The following MFSD11 variants were observed in gnomAD, a reference collection of about 807,000 sequenced individuals.
MFSD11 encodes the protein UNC93-like protein MFSD11.
Under a neutral mutation model 53.5 loss-of-function variants are expected in MFSD11, and 36 were observed. The ratio of observed to expected loss-of-function variants is 0.67; its 90% CI spans 0.52 to 0.89. The LOEUF (loss-of-function observed/expected upper bound fraction) is 0.89, where lower values mean the gene tolerates loss of function less well. MFSD11 is among the 40% of genes least tolerant of loss of function. MFSD11 has a pLI of 0.00. For synonymous variants in MFSD11, 186 were observed against 184.9 expected, an observed-to-expected ratio of 1.01 and a Z score of -0.05; for missense variants, 530 against 543.9, an observed-to-expected ratio of 0.97 and a Z score of 0.25.
At chr17:76,767,278 C>T (rs567721626) in intron 8 of MFSD11, 108 bp from the exon 9 acceptor site, 13 of 650,154 alleles carry the variant, frequency 2.0e-5, no homozygotes, top group South Asian at 3.7e-5. Context: ...CCAAAGTGTT[C>T]GTTTACTGGC....
Position 76,742,110 on chromosome 17 carries a change from T to A in MFSD11, c.340+62T>A, listed in dbSNP as rs963447773. 5 of 1,613,810 alleles carry A rather than the reference T, an allele frequency of 3.1e-6. No individual in the cohort carries two copies. The Admixed American group carries it at 5.0e-5, about 16-fold the overall frequency. ...TCTGGGGCCTATCTAAGGGTATTAT[T>A]TATGTGTTTAGTATGTGACTCTAAG... On this transcript the variant is annotated intron_variant, in intron 4 of 12. Coordinates refer to ENST00000685175, the MANE Select transcript of MFSD11 (RefSeq NM_001242532.5).
chr17:76,777,395 A>T (rs987800575), intron 12 of MFSD11, among the ~76,000 whole-genome samples: 1 of 152,016 alleles, frequency 6.6e-6, no homozygotes, highest in Non-Finnish European at 1.5e-5. Context: ...TACCATGTTC[A>T]GCTAAGTTTT....
downstream of MFSD11, among the ~76,000 whole-genome samples, chr17:76,781,929 T>C (rs192953668): frequency 6.6e-6 from 1 of 151,984 alleles, no homozygotes; most frequent in African/African-American, 2.4e-5. Context: ...TCAAGCAATA[T>C]TCCGGCCTCA....
chr17:76,744,397 G>A lies in MFSD11; in HGVS notation c.572G>A (p.Arg191Gln), dbSNP rs376134707. 1.5e-4 allele frequency: 241 copies of A among 1,613,986 alleles called. 4 individuals are homozygous for A. The South Asian group carries it at 2.3e-3, about 16-fold the overall frequency. ...LVGTVLFFLIRKPDSENVLGE... is the reference protein window; with the variant it reads ...LVGTVLFFLIQKPDSENVLGE... ...GGGACAGTTCTATTCTTTCTCATTC[G>A]GAAACCAGATTCTGAAAATGTCCTA... Residue 191 changes from arginine (R) to glutamine (Q), a missense_variant, in exon 7 of 13, where the codon CGG becomes CAG. By Grantham distance (43) the Arg-to-Gln change is conservative. Coordinates refer to ENST00000685175, the MANE Select transcript of MFSD11 (RefSeq NM_001242532.5).
intron 8 of MFSD11, among the ~76,000 whole-genome samples, chr17:76,754,886 C>G (rs1202632846): frequency 6.6e-6 from 1 of 151,992 alleles, no homozygotes; most frequent in Non-Finnish European, 1.5e-5. Flanking sequence ...ATCATTGTCT[C>G]AGTTTAACAG....
chr17:76,767,503 G>A (rs767504969), intron 9 of MFSD11, 52 bp downstream of exon 9: 3 of 1,158,902 alleles, frequency 2.6e-6, no homozygotes, highest in Non-Finnish European at 3.8e-6. Flanking sequence ...ACAATAAGGA[G>A]TTGAAAACGA....
rs2079887044 is a variant in MFSD11, at chr17:76,758,584, A to G, written c.682+4497A>G. ...GGCACAGAGCGAGACCAGGTCTCAAAAAAAAAAAAAAAAAAAAAGTGATTG... is the reference window on the plus strand; with the variant it reads ...GGCACAGAGCGAGACCAGGTCTCAAGAAAAAAAAAAAAAAAAAAGTGATTG... On this transcript the variant is annotated intron_variant, in intron 8 of 12. Coordinates refer to ENST00000685175, the MANE Select transcript of MFSD11 (RefSeq NM_001242532.5). 2.7e-5 allele frequency among the ~76,000 whole-genome samples: 4 copies of G among 150,674 alleles called. No individual in the cohort carries two copies. The South Asian group carries it at 8.4e-4, about 32-fold the overall frequency.
chr17:76,797,167 T>C, the MFSD11 span, among the ~76,000 whole-genome samples: 1 of 151,768 alleles, frequency 6.6e-6, no homozygotes, highest in Non-Finnish European at 1.5e-5. Flanking sequence ...AGACTCTTCC[T>C]CAATTAAAAA....
the MFSD11 span, among the ~76,000 whole-genome samples, chr17:76,792,793 C>A: frequency 1.3e-5 from 2 of 151,400 alleles, no homozygotes; most frequent in African/African-American, 4.9e-5. Context: ...GGGAACCTGC[C>A]CCCAATAGTC....
chr17:76,754,632 C>A (rs1057066423), intron 8 of MFSD11, among the ~76,000 whole-genome samples: 2 of 140,806 alleles, frequency 1.4e-5, no homozygotes, highest in Admixed American at 7.6e-5. Flanking sequence ...TGTAGTGAGC[C>A]GAGATTGCCC....
upstream of MFSD11, chr17:76,737,485 G>A (rs1022234063): frequency 2.1e-5 from 7 of 330,740 alleles, no homozygotes; most frequent in African/African-American, 4.2e-5. Flanking sequence ...CCTGCGCACA[G>A]CCCGGCGGGC....
the MFSD11 span, among the ~76,000 whole-genome samples, chr17:76,798,626 C>G: frequency 6.6e-6 from 1 of 152,034 alleles, no homozygotes; most frequent in African/African-American, 2.4e-5. Context: ...AGGACAAAGA[C>G]CAAATATATT....
At position 76,768,284 on chromosome 17, in the gene MFSD11, C is replaced by T. The variant is rs191495082; in HGVS notation, c.748+833C>T. On this transcript the variant is annotated intron_variant, in intron 9 of 12. Coordinates refer to ENST00000685175, the MANE Select transcript of MFSD11 (RefSeq NM_001242532.5). ...CACCACTATACTCCAGCCTGGGCCA[C>T]GGGAGTAAAGACCTCCGTCTCAAAA... Among the ~76,000 whole-genome samples, 472 of 136,076 alleles carry T rather than the reference C, an allele frequency of 3.5e-3. 3 individuals are homozygous for T. The highest frequency in any genetic ancestry group is 0.012 in the African/African-American group (416 of 35,876). 89.3% of individuals were successfully genotyped at this position (136,076 alleles called of 152,430 possible). A position where few individuals can be genotyped will look rare whatever the true frequency, so the allele number is the denominator to read the frequency against.
rs76159179 is a variant in MFSD11 at position 76,775,506 on chromosome 17, G to T, written c.1049+335G>T. Among the ~76,000 whole-genome samples the T allele has an allele frequency of 2.0e-5, 3 of 152,292 alleles. No individual in the cohort carries two copies. In the East Asian group the frequency reaches 5.8e-4, roughly 29 times the overall value. On this transcript the variant is annotated intron_variant, in intron 11 of 12. Coordinates refer to ENST00000685175, the MANE Select transcript of MFSD11 (RefSeq NM_001242532.5). ...GCCTGGAGGAAGAACAAAGAGGAGCGAGGGAGAACCTGGCAACCGGGGAGG... is the reference window on the plus strand; with the variant it reads ...GCCTGGAGGAAGAACAAAGAGGAGCTAGGGAGAACCTGGCAACCGGGGAGG...
At chr17:76,783,343 T>A (rs1164840991), downstream of MFSD11, among the ~76,000 whole-genome samples, 1 of 152,134 alleles carries the variant, frequency 6.6e-6, no homozygotes, top group Non-Finnish European at 1.5e-5. Flanking sequence ...TTGTCTATAT[T>A]TAGATTTGGC....
chr17:76,738,366 C>A lies in MFSD11; in HGVS notation c.14C>A (p.Ser5Tyr). MSPE[S>Y]KKLFNIIILG... Reference sequence around the variant, plus strand: ...AGCTGAGCCAAAATGTCCCCGGAATCTAAAAAGCTTTTCAACATCATTATT... The same window carrying A: ...AGCTGAGCCAAAATGTCCCCGGAATATAAAAAGCTTTTCAACATCATTATT... The change falls in exon 1 of 13, where the codon TCT (serine) becomes TAT (tyrosine). Residue 5 changes from serine (S) to tyrosine (Y), a missense_variant. Coordinates refer to ENST00000685175, the MANE Select transcript of MFSD11 (RefSeq NM_001242532.5). The A allele has an allele frequency of 6.2e-7, 1 of 1,614,004 alleles. No individual in the cohort carries two copies. The highest frequency in any genetic ancestry group is 1.1e-5 in the South Asian group (1 of 91,074).
chr17:76,754,020 CTT>C, intron 7 of MFSD11, 25 bp from the exon 8 acceptor site: 3 of 1,584,772 alleles, frequency 1.9e-6, no homozygotes, highest in Non-Finnish European at 1.7e-6. Flanking sequence ...AAAGAAAAAA[CTT>C]ATTTTTTACA....
chr17:76,758,408 C>T (rs1049566952), intron 8 of MFSD11, among the ~76,000 whole-genome samples: 10 of 151,710 alleles, frequency 6.6e-5, no homozygotes, highest in Non-Finnish European at 1.3e-4. Context: ...CATGATGCAC[C>T]TCTCTCTCTA....
intron 7 of MFSD11, chr17:76,748,163 G>C (rs547661518): frequency 1.0e-4 from 16 of 152,506 alleles, no homozygotes; most frequent in Admixed American, 3.3e-4. Flanking sequence ...AGGTCAGCGG[G>C]TGGCCTTTGC....
Sources: gnomAD v4.1 joint callset for allele counts (sites outside exome capture counted in the v4.1 genomes callset) on GRCh38, gnomAD v4.1.1 for gene constraint, MANE v1.5 for transcripts, NCBI Gene and HGNC (gene_info 2026-07-23, HGNC 2026-07-21) for gene names.